OSBPL1A: variants seen among roughly 807,000 people sequenced by gnomAD.
OSBPL1A encodes oxysterol binding protein like 1A, also known as oxysterol-binding protein-related protein 1.
In OSBPL1A, 80 loss-of-function variants were observed where a neutral mutation model predicts 137.1. The observed-to-expected ratio is 0.58, with a 90% CI of 0.49 to 0.70. OSBPL1A has a LOEUF of 0.70. OSBPL1A is among the 30% of genes least tolerant of loss of function. The pLI, the probability that OSBPL1A is intolerant of heterozygous loss-of-function variation, is 0.00. For synonymous variants in OSBPL1A, 365 were observed against 389.7 expected (o/e 0.94, Z 0.75); for missense variants, 970 against 1,129.4 (o/e 0.86, Z 2.02).
At chr18:24,227,094 T>C (rs972013976) in intron 16 of OSBPL1A, among the ~76,000 whole-genome samples, 7 of 152,102 alleles carry the variant, frequency 4.6e-5, no homozygotes, top group African/African-American at 7.2e-5. Flanking sequence ...GGTTTCACCA[T>C]GTTGGCCAGG....
intron 15 of OSBPL1A, among the ~76,000 whole-genome samples, chr18:24,256,015 G>C (rs1006103280): frequency 3.3e-5 from 5 of 151,960 alleles, no homozygotes; most frequent in South Asian, 4.2e-4. Flanking sequence ...GGCTGGTCTC[G>C]AACTCCTAGC....
At chr18:24,315,142 G>A (rs1279722342) in intron 11 of OSBPL1A, among the ~76,000 whole-genome samples, 3 of 152,194 alleles carry the variant, frequency 2.0e-5, no homozygotes, top group Non-Finnish European at 4.4e-5. Flanking sequence ...AGGGGCCAAG[G>A]AGCTGTGGAA....
rs923594393 is a variant in OSBPL1A, at chr18:24,385,083, T to C, written c.-2-7548A>G. Among the ~76,000 whole-genome samples the C allele has an allele frequency of 3.8e-4, 57 of 151,596 alleles. No individual in the cohort carries two copies. The East Asian group carries it at 9.1e-3, about 24-fold the overall frequency. Reference sequence around the variant, plus strand: ...CATTCTCCTGCCTCAGCCTCCCAAGTAGCTGGGACTACAGGCGCCCGCCAC... The same window carrying C: ...CATTCTCCTGCCTCAGCCTCCCAAGCAGCTGGGACTACAGGCGCCCGCCAC... On this transcript the variant is annotated intron_variant, in intron 1 of 27. Transcript: ENST00000319481.
chr18:24,235,767 G>GTT (rs1567965328), intron 16 of OSBPL1A, among the ~76,000 whole-genome samples: 1 of 152,222 alleles, frequency 6.6e-6, no homozygotes, highest in Non-Finnish European at 1.5e-5. Context: ...GTCAGCACAA[G>GTT]GGCTTCCCCA....
intron 18 of OSBPL1A, among the ~76,000 whole-genome samples, chr18:24,192,641 C>G (rs1368731174): frequency 6.6e-6 from 1 of 152,150 alleles, no homozygotes; most frequent in African/African-American, 2.4e-5. Context: ...CGTGCAGGTG[C>G]ATGGGAGTGG....
intron 4 of OSBPL1A, among the ~76,000 whole-genome samples, chr18:24,364,324 A>G (rs374512873): frequency 1.3e-5 from 2 of 152,142 alleles, no homozygotes; most frequent in East Asian, 3.9e-4. Flanking sequence ...AAATGCCTGG[A>G]CTCTGAAAGC....
intron 27 of OSBPL1A, among the ~76,000 whole-genome samples, chr18:24,164,707 C>T (rs527756754): frequency 2.0e-5 from 3 of 152,054 alleles, no homozygotes; most frequent in South Asian, 2.1e-4. Context: ...GGATTACAGA[C>T]GTGAGCCACT....
At chr18:24,336,634 A>C (rs546696071) in intron 5 of OSBPL1A, among the ~76,000 whole-genome samples, 19 of 152,344 alleles carry the variant, frequency 1.2e-4, no homozygotes, top group Non-Finnish European at 2.6e-4. Flanking sequence ...TATTTGTCCT[A>C]TAAGATTTAA....
At chr18:24,381,602 A>C (rs927020763) in intron 1 of OSBPL1A, among the ~76,000 whole-genome samples, 2 of 152,160 alleles carry the variant, frequency 1.3e-5, no homozygotes, top group Non-Finnish European at 2.9e-5. Context: ...TCACCTGTTA[A>C]AATATCTAAT....
intron 15 of OSBPL1A, among the ~76,000 whole-genome samples, chr18:24,270,766 A>C (rs1449069675): frequency 6.6e-6 from 1 of 152,042 alleles, no homozygotes; most frequent in Non-Finnish European, 1.5e-5. Flanking sequence ...TCCTGCCTAC[A>C]CACTATTCCA....
In OSBPL1A at chr18:24,208,445, T is replaced by C. The variant is rs1012832300; in HGVS notation, c.1602-12245A>G. ...GTCATTTGAAAAGTACCAAATTCCA[T>C]TGTTAGAAATTTAACACTCATCTCT... On this transcript the variant is annotated intron_variant, in intron 17 of 27. Transcript: ENST00000319481. Among the ~76,000 whole-genome samples, 11 of 152,196 alleles carry C rather than the reference T, an allele frequency of 7.2e-5. 1 individual carries two copies. Among genetic ancestry groups the C allele is most frequent in the African/African-American group, 2.7e-4 (11 of 41,474 alleles).
chr18:24,306,389 G>A (rs371179815), intron 13 of OSBPL1A, among the ~76,000 whole-genome samples: 1 of 152,214 alleles, frequency 6.6e-6, no homozygotes, highest in Non-Finnish European at 1.5e-5. Context: ...GCATAGGCTA[G>A]TAGAGAAGTA....
At chr18:24,164,710 G>A (rs1444821729) in intron 27 of OSBPL1A, among the ~76,000 whole-genome samples, 2 of 152,036 alleles carry the variant, frequency 1.3e-5, no homozygotes, top group South Asian at 2.1e-4. Flanking sequence ...TTACAGACGT[G>A]AGCCACTGCA....
intron 17 of OSBPL1A, among the ~76,000 whole-genome samples, chr18:24,220,911 G>T (rs905217210): frequency 1.3e-5 from 2 of 151,926 alleles, no homozygotes; most frequent in Non-Finnish European, 2.9e-5. Context: ...CTCCTAAGCA[G>T]CTGGGACTAC....
chr18:24,341,404 A>G, intron 5 of OSBPL1A, 143 bp downstream of exon 5: 1 of 614,050 alleles, frequency 1.6e-6, no homozygotes, highest in Non-Finnish European at 2.9e-6. Flanking sequence ...TGTGTGTTTA[A>G]TCAATGACTC....
chr18:24,249,459 TCA>T (rs2089004808), intron 15 of OSBPL1A, among the ~76,000 whole-genome samples: 6 of 152,072 alleles, frequency 3.9e-5, no homozygotes, highest in Admixed American at 3.9e-4. Context: ...GAACCAAAAA[TCA>T]GGTGAGCAAT....
At chr18:24,285,491 T>A (rs1490902739) in intron 14 of OSBPL1A, among the ~76,000 whole-genome samples, 1 of 152,214 alleles carries the variant, frequency 6.6e-6, no homozygotes, top group African/African-American at 2.4e-5. Flanking sequence ...CTACATTTTG[T>A]TTTTTACTTG....
At chr18:24,230,038 C>A (rs1160788063) in intron 16 of OSBPL1A, among the ~76,000 whole-genome samples, 1 of 152,240 alleles carries the variant, frequency 6.6e-6, no homozygotes, top group Non-Finnish European at 1.5e-5. Flanking sequence ...GCATGGGCCA[C>A]CACGCCCCAC....
At chr18:24,303,782 T>C (rs2090448135) in intron 13 of OSBPL1A, 64 bp from the exon 14 acceptor site, 1 of 1,356,562 alleles carries the variant, frequency 7.4e-7, no homozygotes, top group Non-Finnish European at 1.0e-6. Flanking sequence ...ACTTATGCTT[T>C]AGTGTTTCTA....
Sources: gnomAD v4.1 joint callset for allele counts (sites outside exome capture counted in the v4.1 genomes callset) on GRCh38, gnomAD v4.1.1 for gene constraint, MANE v1.5 for transcripts, NCBI Gene and HGNC (gene_info 2026-07-23, HGNC 2026-07-21) for gene names.